MYO15B: variants seen among roughly 807,000 people sequenced by gnomAD.
The protein encoded by MYO15B is myosin XVB pseudogene.
In MYO15B, 207 loss-of-function variants were observed where a neutral mutation model predicts 119.3. The ratio of observed to expected loss-of-function variants is 1.73; its 90% CI spans 1.55 to 1.95. The LOEUF (loss-of-function observed/expected upper bound fraction) is 1.95, where lower values mean the gene tolerates loss of function less well. Ranked by LOEUF, MYO15B falls within the 30% of genes most tolerant of loss-of-function variation. MYO15B has a pLI of 0.00. For missense variants in MYO15B, 2,264 were observed against 1,203.1 expected (o/e 1.88, Z -13.04); for synonymous variants, 966 against 498.9 (o/e 1.94, Z -12.48).
intron 9 of MYO15B, among the ~76,000 whole-genome samples, chr17:75,593,364 A>G (rs1228304907): frequency 6.6e-6 from 1 of 152,074 alleles, no homozygotes; most frequent in Non-Finnish European, 1.5e-5. Flanking sequence ...AGATTAGGCC[A>G]AGGCGAGCAG....
At chr17:75,606,809 G>A in intron 21 of MYO15B, 1 of 392,572 alleles carries the variant, frequency 2.5e-6, no homozygotes, top group Non-Finnish European at 4.5e-6. Flanking sequence ...ATGTTGTTAA[G>A]GACCTGACTA....
At chr17:75,594,868 C>G in exon 12 of MYO15B, 1 of 703,066 alleles carries the variant, frequency 1.4e-6, no homozygotes, top group Non-Finnish European at 2.6e-6. Context: ...ACTGTATTCC[C>G]GCCTCTTCCA....
Position 75,625,238 on chromosome 17 carries a change from GGT to G in MYO15B, c.8804+2_8804+3del. 1 of 698,114 alleles carries G rather than the reference GGT, an allele frequency of 1.4e-6. No individual in the cohort carries two copies. Among genetic ancestry groups the G allele is most frequent in the Non-Finnish European group, 2.6e-6 (1 of 381,984 alleles). The allele number at this position is 698,114 out of a possible 1,614,324, so 43.2% of individuals were successfully genotyped here. The stretch of plus-strand genomic sequence containing the variant: ...AAGGCCAACAGGAATACCCCCTCAG[GGT>G]GAGTGGAGGCACCTCCCGCCCCTAA... On this transcript the variant is annotated splice_donor_variant, in intron 60 of 63. Transcript: ENST00000645453. LOFTEE classifies it high-confidence loss of function.
At chr17:75,617,215 A>G in exon 41 of MYO15B, 1 of 698,586 alleles carries the variant, frequency 1.4e-6, no homozygotes, top group Non-Finnish European at 2.6e-6. Flanking sequence ...TTTGGCCAGA[A>G]GCTGCCTATT....
intron 10 of MYO15B, 28 bp from the exon 11 acceptor site, chr17:75,594,673 C>G: frequency 1.4e-6 from 1 of 702,600 alleles, no homozygotes. Context: ...AGGCCTGACA[C>G]ACCAGCTGTG....
At chr17:75,620,723 A>G in intron 49 of MYO15B, 87 bp downstream of exon 49, 1 of 692,626 alleles carries the variant, frequency 1.4e-6, no homozygotes, top group South Asian at 1.5e-5. Flanking sequence ...CGAGGCTGCC[A>G]TGCGGTGGGA....
At chr17:75,612,848 G>T (rs1225596787) in exon 26 of MYO15B, 4 of 702,784 alleles carry the variant, frequency 5.7e-6, no homozygotes, top group Non-Finnish European at 1.0e-5. Context: ...CCCTAACCCA[G>T]CTGGATGGAG....
Position 75,616,158 on chromosome 17 carries a change from T to G in MYO15B, c.6109+11T>G. The G allele has an allele frequency of 1.8e-6, 1 of 564,774 alleles. No individual in the cohort carries two copies. The highest frequency in any genetic ancestry group is 3.1e-6 in the Non-Finnish European group (1 of 320,146). The allele number at this position is 564,774 out of a possible 1,614,324, so 35.0% of individuals were successfully genotyped here. ...ATTTCCAGAGGATGGGTGAGGGCACTTGGGGTGGCAGGACCGTGCAGAAAC... is the reference window on the plus strand; with the variant it reads ...ATTTCCAGAGGATGGGTGAGGGCACGTGGGGTGGCAGGACCGTGCAGAAAC... On this transcript the variant is annotated intron_variant, in intron 37 of 63. Transcript: ENST00000645453.
rs1287338935 is a variant in MYO15B at position 75,596,479 on chromosome 17, T to C, written c.3317T>C (p.Leu1106Pro). 3 of 701,154 alleles carry C rather than the reference T, an allele frequency of 4.3e-6. No individual in the cohort carries two copies. In the East Asian group the frequency reaches 8.0e-5, roughly 19 times the overall value. The allele number at this position is 701,154 out of a possible 1,614,324, so 43.4% of individuals were successfully genotyped here. The change falls in exon 13 of 64, where the codon CTG becomes CCG. Residue 1106 changes from leucine to proline, a missense_variant. Physicochemically the swap from Leu to Pro is moderately conservative, Grantham distance 98. Transcript: ENST00000645453. Reference sequence around the variant, plus strand: ...CCCCAGGCCCTGCGGGTGAATGGCCTGGAGCAACTGTGCAACAACCTCGCC... The same window carrying C: ...CCCCAGGCCCTGCGGGTGAATGGCCCGGAGCAACTGTGCAACAACCTCGCC...
At chr17:75,620,150 G>A (rs1369791229) in intron 47 of MYO15B, 96 bp from the exon 48 acceptor site, 2 of 692,862 alleles carry the variant, frequency 2.9e-6, no homozygotes, top group African/African-American at 3.5e-5. Flanking sequence ...GGGGTGCTAG[G>A]TGGAGGGGCA....
rs893986158 is a variant in MYO15B, at chr17:75,613,519, G to C, written c.5146+48G>C. Reference sequence around the variant, plus strand: ...GCCTCCCAGGCCTGAAGTGGGGCCAGCCCTACCCCTTTGCCCTCCCTGGAA... The same window carrying C: ...GCCTCCCAGGCCTGAAGTGGGGCCACCCCTACCCCTTTGCCCTCCCTGGAA... On this transcript the variant is annotated intron_variant, in intron 28 of 63. Transcript: ENST00000645453. 3 of 659,694 alleles carry C rather than the reference G, an allele frequency of 4.5e-6. No homozygotes were observed. The African/African-American group carries it at 5.5e-5, about 12-fold the overall frequency. The allele number at this position is 659,694 out of a possible 1,614,324, so 40.9% of individuals were successfully genotyped here.
intron 53 of MYO15B, among the ~76,000 whole-genome samples, 153 bp downstream of exon 53, chr17:75,622,233 C>A (rs796092263): frequency 6.6e-6 from 1 of 152,180 alleles, no homozygotes; most frequent in African/African-American, 2.4e-5. Context: ...GTGAAGCCAA[C>A]AGGCTAAGTC....
chr17:75,614,716 G>A, intron 31 of MYO15B, 33 bp downstream of exon 31: 1 of 702,676 alleles, frequency 1.4e-6, no homozygotes, highest in South Asian at 1.5e-5. Flanking sequence ...GAGGTTGGCA[G>A]AGCATGGGAA....
At chr17:75,626,761 C>T (rs910801138) in exon 64 of MYO15B, 7 of 540,392 alleles carry the variant, frequency 1.3e-5, no homozygotes, top group African/African-American at 9.5e-5. Flanking sequence ...GATGCCCACC[C>T]GACCCCAGGC....
exon 39 of MYO15B, chr17:75,616,545 C>G (rs201049985): frequency 9.4e-5 from 66 of 702,820 alleles, no homozygotes; most frequent in African/African-American, 5.2e-4. Flanking sequence ...CCTCCTCCCC[C>G]CATCGTGAAG....
intron 61 of MYO15B, 90 bp downstream of exon 61, chr17:75,625,750 G>A: frequency 1.4e-6 from 1 of 701,116 alleles, no homozygotes; most frequent in South Asian, 1.5e-5. Context: ...GTCTGCGCCT[G>A]CCCTGTCCCT....
intron 14 of MYO15B, among the ~76,000 whole-genome samples, chr17:75,598,552 TGAAA>T (rs1306532966): frequency 2.2e-5 from 3 of 134,466 alleles, no homozygotes; most frequent in African/African-American, 8.3e-5. Flanking sequence ...AAAAAGAAAA[TGAAA>T]GGTGAAAAAC....
At chr17:75,618,988 C>G (rs2058542140) in intron 43 of MYO15B, 155 bp from the exon 44 acceptor site, 2 of 615,428 alleles carry the variant, frequency 3.2e-6, no homozygotes, top group African/African-American at 1.8e-5. Context: ...CCATCCCTCC[C>G]TGCCCCACCT....
intron 53 of MYO15B, among the ~76,000 whole-genome samples, chr17:75,623,361 G>A (rs2058818199): frequency 6.6e-6 from 1 of 152,100 alleles, no homozygotes; most frequent in South Asian, 2.1e-4. Context: ...GGGCACGGAG[G>A]CCCACATCTG....
Sources: allele counts gnomAD v4.1 joint callset (sites outside exome capture counted in the v4.1 genomes callset), GRCh38; gene constraint gnomAD v4.1.1; transcripts MANE v1.5; gene names NCBI Gene and HGNC (gene_info 2026-07-23, HGNC 2026-07-21).